The following ELAPOR1 variants were observed in gnomAD, a reference collection of about 807,000 sequenced individuals.
ELAPOR1 encodes the protein endosome/lysosome-associated apoptosis and autophagy regulator 1.
A neutral mutation model predicts 119.7 loss-of-function variants in ELAPOR1; 77 were observed. The ratio of observed to expected loss-of-function variants is 0.64; its 90% confidence interval spans 0.54 to 0.78. The LOEUF is 0.78. Among genes scored for constraint, ELAPOR1 ranks in the 30% least tolerant of loss-of-function variants. The pLI, the probability that ELAPOR1 is intolerant of heterozygous loss-of-function variation, is 0.00. For synonymous variants in ELAPOR1, 481 were observed against 487.2 expected (o/e 0.99, Z 0.17); for missense variants, 1,115 against 1,270.4 (o/e 0.88, Z 1.86).
intron 1 of ELAPOR1, among the ~76,000 whole-genome samples, chr1:109,132,555 T>C (rs1344463246): frequency 1.3e-5 from 2 of 152,212 alleles, no homozygotes; most frequent in African/African-American, 4.8e-5. Context: ...GAAAGGTACA[T>C]GGTGCAATGA....
At chr1:109,191,284 A>G (rs1264371370) in intron 11 of ELAPOR1, 82 bp from the exon 12 acceptor site, 1 of 909,344 alleles carries the variant, frequency 1.1e-6, no homozygotes, top group Non-Finnish European at 1.8e-6. Context: ...CCTGTCCCCC[A>G]GCAGACGCTC....
intron 11 of ELAPOR1, among the ~76,000 whole-genome samples, chr1:109,190,354 GC>G (rs1653356991): frequency 6.6e-6 from 1 of 152,216 alleles, no homozygotes; most frequent in African/African-American, 2.4e-5. Context: ...GGTTAACACA[GC>G]TGCATAGAGA....
chr1:109,164,179 A>T (rs1357031152), intron 2 of ELAPOR1, among the ~76,000 whole-genome samples: 1 of 152,112 alleles, frequency 6.6e-6, no homozygotes, highest in Non-Finnish European at 1.5e-5. Flanking sequence ...AAGAAACCTC[A>T]TATTATTAGC....
intron 15 of ELAPOR1, among the ~76,000 whole-genome samples, chr1:109,196,071 A>G (rs1363698074): frequency 2.6e-5 from 4 of 152,098 alleles, no homozygotes; most frequent in African/African-American, 9.7e-5. Context: ...CAGGAGAATT[A>G]CTTGAACCCA....
At chr1:109,157,617 A>G (rs1206325625) in intron 1 of ELAPOR1, among the ~76,000 whole-genome samples, 1 of 152,124 alleles carries the variant, frequency 6.6e-6, no homozygotes, top group Non-Finnish European at 1.5e-5. Flanking sequence ...AGGAGTTTGT[A>G]TATCCCCATT....
At chr1:109,133,859 C>A (rs1295816919) in intron 1 of ELAPOR1, among the ~76,000 whole-genome samples, 2 of 152,212 alleles carry the variant, frequency 1.3e-5, no homozygotes. Flanking sequence ...GAAGGATCAT[C>A]TGAGGCCTTC....
chr1:109,167,721 C>T (rs957467891), intron 3 of ELAPOR1, among the ~76,000 whole-genome samples: 2 of 152,158 alleles, frequency 1.3e-5, no homozygotes, highest in Non-Finnish European at 2.9e-5. Context: ...GCCATCTTCC[C>T]ACCTCAACCT....
chr1:109,121,066 T>A (rs1558013523), intron 1 of ELAPOR1, among the ~76,000 whole-genome samples: 1 of 152,264 alleles, frequency 6.6e-6, no homozygotes, highest in Non-Finnish European at 1.5e-5. Context: ...ACGCTTCGTA[T>A]CCAGATTTGG....
chr1:109,201,758 C>T (rs1654184905), intron 21 of ELAPOR1, among the ~76,000 whole-genome samples: 1 of 152,120 alleles, frequency 6.6e-6, no homozygotes, highest in Non-Finnish European at 1.5e-5. Flanking sequence ...ACAGTTCACC[C>T]TGGGACTCTT....
Position 109,191,817 on chromosome 1 carries a change from C to G in ELAPOR1, c.1637C>G (p.Thr546Ser), listed in dbSNP as rs765485731. 1 of 1,614,194 alleles carries G rather than the reference C, an allele frequency of 6.2e-7. No homozygotes were observed. Among genetic ancestry groups the G allele is most frequent in the South Asian group, 1.1e-5 (1 of 91,082 alleles). ...SYTYIIEENTTTSFTWAFQRT... is the reference protein window; with the variant it reads ...SYTYIIEENTSTSFTWAFQRT... Reference sequence around the variant, plus strand: ...ACCTACATCATTGAGGAGAACACTACCACGAGCTTCACCTGGGCCTTCCAG... The same window carrying G: ...ACCTACATCATTGAGGAGAACACTAGCACGAGCTTCACCTGGGCCTTCCAG... The change falls in exon 13 of 22, where the codon ACC (threonine) becomes AGC (serine). Residue 546 changes from threonine (T) to serine (S), a missense_variant. Physicochemically the swap from Thr to Ser is moderately conservative, Grantham distance 58. Transcript: ENST00000369939.
intron 7 of ELAPOR1, among the ~76,000 whole-genome samples, chr1:109,180,836 G>A (rs1652647891): frequency 6.6e-6 from 1 of 152,078 alleles, no homozygotes; most frequent in South Asian, 2.1e-4. Flanking sequence ...GTGGTGGCAT[G>A]CACCTGTAGT....
At position 109,204,880 on chromosome 1, in the gene ELAPOR1, C is replaced by T. The variant is rs1654398977; in HGVS notation, c.*1868C>T. 1 of 152,148 alleles carries T rather than the reference C, an allele frequency of 6.6e-6. No homozygotes were observed. The allele number at this position is 152,148 out of a possible 1,614,324, so 9.4% of individuals were successfully genotyped here. A position where few individuals can be genotyped will look rare whatever the true frequency, so the allele number is the denominator to read the frequency against. ...ACCAGCCTGGGCAACACAGTGAGAC[C>T]CTGTCTCTAAAAAATTTAAAAATAA... On this transcript the variant is annotated 3_prime_UTR_variant, in exon 22 of 22. Coordinates refer to ENST00000369939, the MANE Select transcript of ELAPOR1 (RefSeq NM_020775.5).
intron 7 of ELAPOR1, among the ~76,000 whole-genome samples, chr1:109,181,384 A>T (rs1652688402): frequency 6.6e-6 from 1 of 152,118 alleles, no homozygotes; most frequent in Admixed American, 6.6e-5. Context: ...TCAACCAAAC[A>T]CAGAGGCCCA....
chr1:109,178,503 A>G (rs1439773388), intron 7 of ELAPOR1, among the ~76,000 whole-genome samples: 1 of 152,232 alleles, frequency 6.6e-6, no homozygotes, highest in African/African-American at 2.4e-5. Context: ...AGGTCCATGC[A>G]TTTACAAATA....
At chr1:109,122,181 T>A (rs1648471292) in intron 1 of ELAPOR1, among the ~76,000 whole-genome samples, 1 of 150,960 alleles carries the variant, frequency 6.6e-6, no homozygotes, top group South Asian at 2.1e-4. Flanking sequence ...GCGATTCCCA[T>A]GCCTCATCCT....
At chr1:109,125,535 G>A (rs958765107) in intron 1 of ELAPOR1, among the ~76,000 whole-genome samples, 5 of 151,950 alleles carry the variant, frequency 3.3e-5, no homozygotes, top group African/African-American at 1.2e-4. Flanking sequence ...TGGGACTACA[G>A]GCGTGCACCA....
At chr1:109,116,032 T>C (rs573523052) in intron 1 of ELAPOR1, among the ~76,000 whole-genome samples, 22 of 152,226 alleles carry the variant, frequency 1.4e-4, no homozygotes, top group Non-Finnish European at 3.2e-4. Context: ...TAACTACCAA[T>C]TCTTGTTGAG....
In ELAPOR1 at chr1:109,199,911, G is replaced by A. The variant is rs144446800; in HGVS notation, c.2559G>A (p.Ala853=). ...GCNFHFLWES[A]AACPLCSVAD... Reference sequence around the variant, plus strand: ...ACTTCCACTTCCTGTGGGAGAGCGCGGCTGCTTGCCCGCTCTGCTCAGTGG... The same window carrying A: ...ACTTCCACTTCCTGTGGGAGAGCGCAGCTGCTTGCCCGCTCTGCTCAGTGG... Residue 853 remains alanine, a synonymous_variant, in exon 19 of 22, where the codon GCG becomes GCA. Coordinates refer to ENST00000369939, the MANE Select transcript of ELAPOR1 (RefSeq NM_020775.5). 2.1e-5 allele frequency: 34 copies of A among 1,613,780 alleles called. No homozygotes were observed. In the African/African-American group the frequency reaches 2.1e-4, roughly 10 times the overall value.
chr1:109,127,548 A>T (rs1648868326), intron 1 of ELAPOR1, among the ~76,000 whole-genome samples: 2 of 151,070 alleles, frequency 1.3e-5, no homozygotes, highest in Admixed American at 1.3e-4. Context: ...GGCTGATATG[A>T]TGTTACCTTT....
Sources: allele counts gnomAD v4.1 joint callset (sites outside exome capture counted in the v4.1 genomes callset), GRCh38; gene constraint gnomAD v4.1.1; transcripts MANE v1.5; gene names NCBI Gene and HGNC (gene_info 2026-07-23, HGNC 2026-07-21).